BTBD18: variants seen among roughly 807,000 people sequenced by gnomAD.
The protein encoded by BTBD18 is BTB domain containing 18.
For synonymous variants in BTBD18, 311 were observed against 324.4 expected (o/e 0.96, Z 0.44); for missense variants, 787 against 846.3 (o/e 0.93, Z 0.87).
rs776883145 is a variant in BTBD18 at position 57,744,542 on chromosome 11, C to T, written c.1731G>A (p.Met577Ile). The change falls in exon 3 of 3, where the codon ATG becomes ATA. Residue 577 changes from methionine to isoleucine, a missense_variant. Transcript: ENST00000422652. ...GPTELLSPLV[M>I]PSEVSEVLSV... ...AAAGCACTTCACTCACCTCAGAGGG[C>T]ATGACAAGGGGGCTAAGGAGCTCAG... 61 of 1,551,532 alleles carry T rather than the reference C, an allele frequency of 3.9e-5. No homozygotes were observed. Among genetic ancestry groups the T allele is most frequent in the Non-Finnish European group, 5.1e-5 (58 of 1,146,958 alleles).
rs1205464661 is a variant in BTBD18, at chr11:57,745,268, G to C, written c.1005C>G (p.Ser335Arg). Residue 335 changes from serine (S) to arginine (R), a missense_variant, in exon 3 of 3, where the codon AGC becomes AGG. By Grantham distance (110) the Ser-to-Arg change is moderately radical (BLOSUM62 -1). Transcript: ENST00000422652. ...NPSGLGKTGGSRKRSPEVRAP... is the reference protein window; with the variant it reads ...NPSGLGKTGGRRKRSPEVRAP... ...CCCTGACTTCAGGGCTCCGCTTCCT[G>C]CTCCCACCTGTCTTTCCCAGACCAG... 6.4e-7 allele frequency: 1 copy of C among 1,551,686 alleles called. No homozygotes were observed. Among genetic ancestry groups the C allele is most frequent in the Non-Finnish European group, 8.7e-7 (1 of 1,146,984 alleles).
At chr11:57,751,269 G>T in intron 1 of BTBD18, 33 bp from the exon 2 acceptor site, 1 of 1,160,770 alleles carries the variant, frequency 8.6e-7, no homozygotes, top group Non-Finnish European at 1.1e-6. Context: ...CAGAGGCATG[G>T]TTACATCTAA....
Position 57,744,525 on chromosome 11 carries a change from T to C in BTBD18, c.1748A>G (p.Glu583Gly). The C allele has an allele frequency of 6.4e-7, 1 of 1,551,594 alleles. No homozygotes were observed. The highest frequency in any genetic ancestry group is 8.7e-7 in the Non-Finnish European group (1 of 1,146,958). The change falls in exon 3 of 3, where the codon GAA becomes GGA. Residue 583 changes from glutamate (E) to glycine (G), a missense_variant. Physicochemically the swap from Glu to Gly is moderately conservative, Grantham distance 98. Coordinates refer to ENST00000422652, the MANE Select transcript of BTBD18 (RefSeq NM_001145101.3). ...SPLVMPSEVS[E>G]VLSVGGRWTP... is the part of the protein sequence containing the mutation. ...CCAACGGCCTCCTACTGAAAGCACT[T>C]CACTCACCTCAGAGGGCATGACAAG... is the stretch of plus-strand genomic sequence containing the variant.
At chr11:57,750,506 G>A (rs1052255186) in intron 2 of BTBD18, among the ~76,000 whole-genome samples, 1 of 152,246 alleles carries the variant, frequency 6.6e-6, no homozygotes, top group African/African-American at 2.4e-5. Flanking sequence ...GACCAGCCTG[G>A]CCATCATGGC....
chr11:57,749,888 C>G (rs920095334), intron 2 of BTBD18, among the ~76,000 whole-genome samples: 4 of 151,884 alleles, frequency 2.6e-5, no homozygotes, highest in African/African-American at 9.7e-5. Context: ...GATGAAGTTA[C>G]CTGCCCATTT....
In BTBD18 at chr11:57,745,051, C is replaced by T. The variant is rs1208658399; in HGVS notation, c.1222G>A (p.Glu408Lys). Residue 408 changes from glutamate to lysine, a missense_variant, in exon 3 of 3, where the codon GAA (glutamate) becomes AAA (lysine). Physicochemically the swap from Glu to Lys is moderately conservative, Grantham distance 56. Coordinates refer to ENST00000422652, the MANE Select transcript of BTBD18 (RefSeq NM_001145101.3). ...GTQPFSSNEQEMSPTRTELCQ... is the reference protein window; with the variant it reads ...GTQPFSSNEQKMSPTRTELCQ... ...AGTTCTGTTCTAGTAGGTGACATTT[C>T]CTGCTCATTACTGGAGAATGGCTGA... 3 of 1,551,646 alleles carry T rather than the reference C, an allele frequency of 1.9e-6. No individual in the cohort carries two copies. Among genetic ancestry groups the T allele is most frequent in the Non-Finnish European group, 2.6e-6 (3 of 1,146,952 alleles).
chr11:57,743,973 C>T lies in BTBD18; in HGVS notation c.*161G>A, dbSNP rs1949141547. ...TATCTATGGTACCCTTGGCTTCTGC[C>T]TGGCTTCTGAGGCTTAGGGAAGGGA... On this transcript the variant is annotated 3_prime_UTR_variant, in exon 3 of 3. Coordinates refer to ENST00000422652, the MANE Select transcript of BTBD18 (RefSeq NM_001145101.3). 1.7e-6 allele frequency: 1 copy of T among 571,854 alleles called. No homozygotes were observed. Among genetic ancestry groups the T allele is most frequent in the African/African-American group, 1.9e-5 (1 of 53,474 alleles). 35.4% of individuals were successfully genotyped at this position (571,854 alleles called of 1,614,324 possible).
At position 57,744,164 on chromosome 11, in the gene BTBD18, C is replaced by G. The variant is rs1353121425; in HGVS notation, c.2109G>C (p.Glu703Asp). The change falls in exon 3 of 3, where the codon GAG becomes GAC. Residue 703 changes from glutamate to aspartate, a missense_variant. Transcript: ENST00000422652. ...TTAGTATATCTACCTCTGTTTCTGACTCTGAGGAAGGGTCAGGCCACACGG... is the reference window on the plus strand; with the variant it reads ...TTAGTATATCTACCTCTGTTTCTGAGTCTGAGGAAGGGTCAGGCCACACGG... ...VPSVWPDPSS[E>D]SETEVDILT 1 of 1,550,536 alleles carries G rather than the reference C, an allele frequency of 6.4e-7. No homozygotes were observed. Among genetic ancestry groups the G allele is most frequent in the Non-Finnish European group, 8.7e-7 (1 of 1,146,334 alleles).
chr11:57,745,412 G>A lies in BTBD18; in HGVS notation c.861C>T (p.Ser287=), dbSNP rs1368376690. The A allele has an allele frequency of 2.6e-6, 4 of 1,551,578 alleles. No homozygotes were observed. Among genetic ancestry groups the A allele is most frequent in the Non-Finnish European group, 3.5e-6 (4 of 1,147,000 alleles). The change falls in exon 3 of 3, where the codon AGC becomes AGT. Residue 287 remains serine (S), a synonymous_variant. Coordinates refer to ENST00000422652, the MANE Select transcript of BTBD18 (RefSeq NM_001145101.3). The stretch of plus-strand genomic sequence containing the variant: ...GCCGGCCAGGGGTTGCAGGCACTGA[G>A]CTAGATCCACTTAAAATGCTGGAAG... ...SKPSSILSGS[S]SVPATPGRRL...
At chr11:57,752,921 C>T (rs1949344112), upstream of BTBD18, among the ~76,000 whole-genome samples, 1 of 152,256 alleles carries the variant, frequency 6.6e-6, no homozygotes, top group South Asian at 2.1e-4. Context: ...GACTCCTAGG[C>T]GCGAGGGTTT....
upstream of BTBD18, among the ~76,000 whole-genome samples, chr11:57,753,080 C>T (rs918380637): frequency 6.6e-6 from 1 of 152,228 alleles, no homozygotes; most frequent in African/African-American, 2.4e-5. Context: ...GTAGTGATAG[C>T]GAGGGTTGTA....
At chr11:57,751,276 CTAATT>C in intron 1 of BTBD18, 40 bp from the exon 2 acceptor site, 1 of 1,130,964 alleles carries the variant, frequency 8.8e-7, no homozygotes, top group South Asian at 2.2e-5. Context: ...ATGGTTACAT[CTAATT>C]TGTTTTTTGT....
chr11:57,747,571 A>G (rs989699208), intron 2 of BTBD18, among the ~76,000 whole-genome samples: 3 of 151,852 alleles, frequency 2.0e-5, no homozygotes, highest in African/African-American at 4.8e-5. Flanking sequence ...CTGGAGTGCA[A>G]TGGTGCGATC....
At chr11:57,751,466 G>C (rs1343750945) in intron 1 of BTBD18, 75 bp downstream of exon 1, 1 of 250,976 alleles carries the variant, frequency 4.0e-6, no homozygotes, top group Non-Finnish European at 7.6e-6. Flanking sequence ...TAGCCTGGCT[G>C]TATAATCTCA....
chr11:57,745,900 G>A lies in BTBD18; in HGVS notation c.373C>T (p.Leu125Phe). 1 of 1,551,698 alleles carries A rather than the reference G, an allele frequency of 6.4e-7. No homozygotes were observed. ...GCCTTCACCAACTTTCCACCCTCAA[G>A]CTGAAGGGATTCCAGCTCAGACACA... ...LRVSELESLQ[L>F]EGGKLVKAPQ... Residue 125 changes from leucine to phenylalanine, a missense_variant, in exon 3 of 3, where the codon CTT (leucine) becomes TTT (phenylalanine). Transcript: ENST00000422652.
In BTBD18 at chr11:57,744,541, G is replaced by A; in HGVS notation, c.1732C>T (p.Pro578Ser). 1.3e-6 allele frequency: 2 copies of A among 1,551,638 alleles called. No individual in the cohort carries two copies. The highest frequency in any genetic ancestry group is 1.7e-6 in the Non-Finnish European group (2 of 1,146,974). The change falls in exon 3 of 3, where the codon CCC becomes TCC. Residue 578 changes from proline (P) to serine (S), a missense_variant. Pro to Ser is a moderately conservative substitution (Grantham distance 74, BLOSUM62 -1). Transcript: ENST00000422652. ...GAAAGCACTTCACTCACCTCAGAGGGCATGACAAGGGGGCTAAGGAGCTCA... is the reference window on the plus strand; with the variant it reads ...GAAAGCACTTCACTCACCTCAGAGGACATGACAAGGGGGCTAAGGAGCTCA... ...PTELLSPLVMPSEVSEVLSVG... is the reference protein window; with the variant it reads ...PTELLSPLVMSSEVSEVLSVG...
At position 57,744,455 on chromosome 11, in the gene BTBD18, C is replaced by T. The variant is rs777258436; in HGVS notation, c.1818G>A (p.Gln606=). ...AGCTGACATGGAGAAGTTTGTCTTC[C>T]TGACCATCCAGTGGCTGGGAGCTGG... ...EITSSQPLDG[Q]EDKLLHVSSL... The change falls in exon 3 of 3, where the codon CAG becomes CAA. Residue 606 remains glutamine, a synonymous_variant. Transcript: ENST00000422652. 6.4e-7 allele frequency: 1 copy of T among 1,551,676 alleles called. No homozygotes were observed. The highest frequency in any genetic ancestry group is 1.2e-5 in the South Asian group (1 of 84,060).
chr11:57,746,422 C>G (rs930938465), intron 2 of BTBD18, among the ~76,000 whole-genome samples: 1 of 151,356 alleles, frequency 6.6e-6, no homozygotes, highest in African/African-American at 2.4e-5. Context: ...CTCTGCCTCC[C>G]GGGTTCAAGC....
At chr11:57,750,618 A>C (rs1003300794) in intron 2 of BTBD18, among the ~76,000 whole-genome samples, 2 of 152,178 alleles carry the variant, frequency 1.3e-5, no homozygotes, top group Non-Finnish European at 2.9e-5. Flanking sequence ...AATCACTTGA[A>C]CCCAGGAGGT....
Sources: gnomAD v4.1 joint callset for allele counts (sites outside exome capture counted in the v4.1 genomes callset) on GRCh38, gnomAD v4.1.1 for gene constraint, MANE v1.5 for transcripts, NCBI Gene and HGNC (gene_info 2026-07-23, HGNC 2026-07-21) for gene names.